The following PKN2 variants were observed in gnomAD, a reference collection of about 807,000 sequenced individuals.
The protein encoded by PKN2 is serine/threonine-protein kinase N2.
In PKN2, 38 loss-of-function variants were observed where a neutral mutation model predicts 119.1. The ratio of observed to expected loss-of-function variants is 0.32; its 90% CI spans 0.25 to 0.42. The LOEUF (loss-of-function observed/expected upper bound fraction) is 0.42, where lower values mean the gene tolerates loss of function less well. PKN2 is among the 10% of genes least tolerant of loss of function. PKN2 has a pLI of 1.00. For missense variants in PKN2, 850 were observed against 1,165.1 expected (o/e 0.73, Z 3.94); for synonymous variants, 390 against 384.9 (o/e 1.01, Z -0.15).
At chr1:88,818,644 T>G (rs1229458059) in intron 16 of PKN2, among the ~76,000 whole-genome samples, 1 of 137,704 alleles carries the variant, frequency 7.3e-6, no homozygotes, top group African/African-American at 3.0e-5. Flanking sequence ...TGAGACTCCT[T>G]CTCAAAAAAA....
rs201935055 is a variant in PKN2 at position 88,731,074 on chromosome 1, CAGAA to C, written c.49-9905_49-9902del. Among the ~76,000 whole-genome samples, 1,520 of 152,254 alleles carry C rather than the reference CAGAA, an allele frequency of 1.0e-2. 21 individuals carry two copies. Among genetic ancestry groups the C allele is most frequent in the African/African-American group, 0.035 (1,434 of 41,542 alleles). ...CTGTCTTCTTTAATAAATTGAATAC[CAGAA>C]AGAAAGAAGGATCAGGTCATTTTTA... On this transcript the variant is annotated intron_variant, in intron 1 of 21. Transcript: ENST00000370521.
chr1:88,773,497 A>T (rs1669974368), intron 6 of PKN2, among the ~76,000 whole-genome samples: 1 of 152,192 alleles, frequency 6.6e-6, no homozygotes, highest in Non-Finnish European at 1.5e-5. Flanking sequence ...GGGTTTTACC[A>T]TGATGGCCAC....
At chr1:88,699,282 CA>C (rs1666670178) in intron 1 of PKN2, among the ~76,000 whole-genome samples, 1 of 152,096 alleles carries the variant, frequency 6.6e-6, no homozygotes, top group African/African-American at 2.4e-5. Context: ...TCACTAACTT[CA>C]GATGTATATA....
intron 2 of PKN2, among the ~76,000 whole-genome samples, chr1:88,755,495 A>AT (rs1669160424): frequency 6.6e-6 from 1 of 152,152 alleles, no homozygotes; most frequent in South Asian, 2.1e-4. Flanking sequence ...TAAGTTTCAG[A>AT]TTTTTTTATT....
intron 1 of PKN2, among the ~76,000 whole-genome samples, chr1:88,693,434 C>G (rs1666408741): frequency 6.6e-6 from 1 of 152,204 alleles, no homozygotes; most frequent in African/African-American, 2.4e-5. Flanking sequence ...GTTTATCATA[C>G]AGTAAGTCCT....
At chr1:88,765,221 G>T (rs1255876929) in intron 3 of PKN2, among the ~76,000 whole-genome samples, 1 of 148,710 alleles carries the variant, frequency 6.7e-6, no homozygotes, top group African/African-American at 2.5e-5. Context: ...GAGCTACCGT[G>T]CCCAGCCTTG....
intron 3 of PKN2, among the ~76,000 whole-genome samples, chr1:88,765,049 C>T (rs1372076621): frequency 6.6e-6 from 1 of 151,986 alleles, no homozygotes; most frequent in East Asian, 1.9e-4. Context: ...CAGCCTGCCT[C>T]CTGTGTAGCT....
At chr1:88,713,109 C>CT (rs1206123007) in intron 1 of PKN2, among the ~76,000 whole-genome samples, 1 of 152,116 alleles carries the variant, frequency 6.6e-6, no homozygotes, top group Non-Finnish European at 1.5e-5. Context: ...TGAACTCATC[C>CT]TTTTTTATGG....
intron 1 of PKN2, among the ~76,000 whole-genome samples, chr1:88,706,615 G>T (rs80272546): frequency 0.042 from 6,410 of 152,144 alleles, 171 homozygotes; most frequent in Middle Eastern, 0.062. Flanking sequence ...TATGAGTTTT[G>T]TATTTGCCCT....
intron 1 of PKN2, among the ~76,000 whole-genome samples, chr1:88,739,578 A>G (rs1668495056): frequency 6.6e-6 from 1 of 152,238 alleles, no homozygotes; most frequent in South Asian, 2.1e-4. Flanking sequence ...CAAAGGTACA[A>G]AAAGGCTGCA....
intron 1 of PKN2, among the ~76,000 whole-genome samples, chr1:88,694,899 A>T (rs551448630): frequency 1.1e-4 from 16 of 152,282 alleles, no homozygotes; most frequent in African/African-American, 3.9e-4. Context: ...AACATTTTGA[A>T]GGCCAAGGCG....
chr1:88,710,888 G>A (rs1284458347), intron 1 of PKN2, among the ~76,000 whole-genome samples: 1 of 152,152 alleles, frequency 6.6e-6, no homozygotes, highest in Non-Finnish European at 1.5e-5. Context: ...GCAAAGACAT[G>A]GAATCAACCT....
rs769460416 is a variant in PKN2 at position 88,813,751 on chromosome 1, A to G, written c.2279+18A>G. On this transcript the variant is annotated intron_variant, in intron 16 of 21. Transcript: ENST00000370521. ...AGAGCTGTGTGAGTATGCTTTAGACATTTGTCTGAGTTTTTCCATGACTGA... is the reference window on the plus strand; with the variant it reads ...AGAGCTGTGTGAGTATGCTTTAGACGTTTGTCTGAGTTTTTCCATGACTGA... The G allele has an allele frequency of 2.6e-5, 40 of 1,531,786 alleles. No homozygotes were observed. The highest frequency in any genetic ancestry group is 3.5e-5 in the Non-Finnish European group (40 of 1,147,670). The allele number at this position is 1,531,786 out of a possible 1,614,324, so 94.9% of individuals were successfully genotyped here. A position where few individuals can be genotyped will look rare whatever the true frequency, so the allele number is the denominator to read the frequency against.
intron 1 of PKN2, among the ~76,000 whole-genome samples, chr1:88,735,533 A>C (rs950057735): frequency 6.7e-6 from 1 of 149,746 alleles, no homozygotes; most frequent in Non-Finnish European, 1.5e-5. Flanking sequence ...TTTGTCTGGC[A>C]AAGTCTTTAT....
Position 88,759,160 on chromosome 1 carries a change from C to T in PKN2, c.350-1062C>T, listed in dbSNP as rs149035354. 5.9e-5 allele frequency among the ~76,000 whole-genome samples: 9 copies of T among 152,292 alleles called. 2 individuals carry two copies. Among genetic ancestry groups the T allele is most frequent in the African/African-American group, 1.9e-4 (8 of 41,556 alleles). On this transcript the variant is annotated intron_variant, in intron 2 of 21. Coordinates refer to ENST00000370521, the MANE Select transcript of PKN2 (RefSeq NM_006256.4). ...CGGGCAGATCACGAGGTCAGGAGTT[C>T]GAGAGCAGCCTGACCAACATGGTGA... is the stretch of plus-strand genomic sequence containing the variant.
chr1:88,778,839 G>A (rs1670212420), intron 6 of PKN2, among the ~76,000 whole-genome samples: 1 of 152,014 alleles, frequency 6.6e-6, no homozygotes, highest in Non-Finnish European at 1.5e-5. Context: ...TCAGCCTCCA[G>A]AGTAGCTGGG....
At chr1:88,751,322 TACAG>T (rs3061486) in intron 2 of PKN2, among the ~76,000 whole-genome samples, 16 of 151,864 alleles carry the variant, frequency 1.1e-4, no homozygotes, top group African/African-American at 3.4e-4. Flanking sequence ...CACACATACA[TACAG>T]GTACATACAA....
At chr1:88,807,142 C>G (rs1246994244) in intron 12 of PKN2, among the ~76,000 whole-genome samples, 171 bp from the exon 13 acceptor site, 1 of 151,642 alleles carries the variant, frequency 6.6e-6, no homozygotes, top group African/African-American at 2.4e-5. Flanking sequence ...ATAGTGAGAC[C>G]CACCTCTAAA....
intron 6 of PKN2, among the ~76,000 whole-genome samples, chr1:88,773,757 TGACACAGCAA>T (rs914901687): frequency 1.4e-4 from 22 of 152,114 alleles, no homozygotes; most frequent in Middle Eastern, 3.4e-3. Flanking sequence ...CCAGCCTGGG[TGACACAGCAA>T]GACTCCGCCT....
Sources: allele counts gnomAD v4.1 joint callset (sites outside exome capture counted in the v4.1 genomes callset), GRCh38; gene constraint gnomAD v4.1.1; transcripts MANE v1.5; gene names NCBI Gene and HGNC (gene_info 2026-07-23, HGNC 2026-07-21).